SCFD2: variants seen among roughly 807,000 people sequenced by gnomAD.
SCFD2 encodes the protein sec1 family domain containing 2, also known as sec1 family domain-containing protein 2.
SCFD2 carries 54 observed loss-of-function variants against 58.9 expected under a neutral mutation model. The observed-to-expected ratio is 0.92, with a 90% CI of 0.74 to 1.15. The LOEUF (loss-of-function observed/expected upper bound fraction) is 1.15, where lower values mean the gene tolerates loss of function less well. Among genes scored for constraint, SCFD2 ranks in the 50% most tolerant of loss-of-function variants. The pLI, the probability that SCFD2 is intolerant of heterozygous loss-of-function variation, is 0.00. For synonymous variants in SCFD2, 321 were observed against 335.9 expected (o/e 0.96, Z 0.49); for missense variants, 805 against 836.6 (o/e 0.96, Z 0.47).
rs148046487 is a variant in SCFD2 at position 52,880,112 on chromosome 4, C to T, written c.1962+5635G>A. 1.2e-4 allele frequency among the ~76,000 whole-genome samples: 18 copies of T among 152,156 alleles called. No homozygotes were observed. In the East Asian group the frequency reaches 2.9e-3, roughly 25 times the overall value. Reference sequence around the variant, plus strand: ...ACCTGGAAACATCTGACCTGACTACCGCTGCCTCAGAGCCACTGTGCTGTG... The same window carrying T: ...ACCTGGAAACATCTGACCTGACTACTGCTGCCTCAGAGCCACTGTGCTGTG... On this transcript the variant is annotated intron_variant, in intron 8 of 8. Coordinates refer to ENST00000401642, the MANE Select transcript of SCFD2 (RefSeq NM_152540.4).
intron 4 of SCFD2, among the ~76,000 whole-genome samples, chr4:53,227,724 G>C (rs1729268591): frequency 6.6e-6 from 1 of 152,024 alleles, no homozygotes; most frequent in South Asian, 2.1e-4. Context: ...CTGGAGGGGA[G>C]TGCTCCAAAC....
chr4:52,873,948 T>A lies in SCFD2; in HGVS notation c.*21A>T. Reference sequence around the variant, plus strand: ...CATCGGCATTTCCAGCTTGAGTAGGTCTTATCTTCTTAGCGGATGCTCAGA... The same window carrying A: ...CATCGGCATTTCCAGCTTGAGTAGGACTTATCTTCTTAGCGGATGCTCAGA... On this transcript the variant is annotated 3_prime_UTR_variant, in exon 9 of 9. Transcript: ENST00000401642. 1 of 1,582,520 alleles carries A rather than the reference T, an allele frequency of 6.3e-7. No individual in the cohort carries two copies. Among genetic ancestry groups the A allele is most frequent in the Non-Finnish European group, 8.7e-7 (1 of 1,151,542 alleles).
At chr4:53,321,218 T>A (rs1158583706) in intron 2 of SCFD2, among the ~76,000 whole-genome samples, 2 of 152,316 alleles carry the variant, frequency 1.3e-5, no homozygotes, top group African/African-American at 4.8e-5. Context: ...AGTTCATTCC[T>A]GGCTCTTTAT....
At chr4:52,999,625 G>A (rs1721820246) in intron 5 of SCFD2, among the ~76,000 whole-genome samples, 1 of 152,218 alleles carries the variant, frequency 6.6e-6, no homozygotes. Flanking sequence ...AAGGTAAAAT[G>A]TGCGAAGGGT....
intron 4 of SCFD2, among the ~76,000 whole-genome samples, chr4:53,180,163 G>T (rs538679679): frequency 4.6e-5 from 7 of 152,166 alleles, no homozygotes; most frequent in Non-Finnish European, 8.8e-5. Flanking sequence ...AATAGACATC[G>T]ACAGAAGTCT....
At chr4:53,169,438 C>G (rs1727111833) in intron 4 of SCFD2, among the ~76,000 whole-genome samples, 1 of 152,186 alleles carries the variant, frequency 6.6e-6, no homozygotes. Flanking sequence ...TTTTCTTTAT[C>G]TGTCCATCTA....
intron 4 of SCFD2, among the ~76,000 whole-genome samples, chr4:53,205,926 C>A (rs1035670297): frequency 2.0e-5 from 3 of 150,516 alleles, no homozygotes; most frequent in Admixed American, 6.6e-5. Context: ...TTAAAAAAAA[C>A]ACAATTATCA....
At chr4:53,149,240 G>A (rs1023716376) in intron 4 of SCFD2, among the ~76,000 whole-genome samples, 1 of 152,170 alleles carries the variant, frequency 6.6e-6, no homozygotes, top group Non-Finnish European at 1.5e-5. Flanking sequence ...TGATTCTAGG[G>A]ATGGGGAAAG....
At chr4:53,334,582 C>T (rs1433562884) in intron 2 of SCFD2, among the ~76,000 whole-genome samples, 2 of 141,394 alleles carry the variant, frequency 1.4e-5, no homozygotes, top group African/African-American at 5.3e-5. Context: ...AGGGGAATAT[C>T]ACACTCTGGG....
intron 5 of SCFD2, among the ~76,000 whole-genome samples, chr4:53,064,179 A>G (rs184926577): frequency 1.5e-3 from 221 of 152,096 alleles, no homozygotes; most frequent in African/African-American, 5.1e-3. Context: ...TTACATGGGT[A>G]TGTTGCATGA....
chr4:53,309,604 C>A (rs1035072544), intron 3 of SCFD2, among the ~76,000 whole-genome samples: 1 of 151,836 alleles, frequency 6.6e-6, no homozygotes, highest in African/African-American at 2.4e-5. Context: ...CCAGGCTGAA[C>A]ATGGAAAAAC....
chr4:53,098,643 T>C (rs1188710034), intron 5 of SCFD2, among the ~76,000 whole-genome samples: 2 of 152,018 alleles, frequency 1.3e-5, no homozygotes, highest in Non-Finnish European at 2.9e-5. Context: ...GGAAAGCTCT[T>C]CCCCTAGATA....
rs1400197098 is a variant in SCFD2 at position 53,302,474 on chromosome 4, T to G, written c.1135+11162A>C. Among the ~76,000 whole-genome samples the G allele has an allele frequency of 2.0e-5, 3 of 152,144 alleles. No individual in the cohort carries two copies. In the East Asian group the frequency reaches 5.8e-4, roughly 29 times the overall value. On this transcript the variant is annotated intron_variant, in intron 3 of 8. Coordinates refer to ENST00000401642, the MANE Select transcript of SCFD2 (RefSeq NM_152540.4). ...GAGGACACAAACAAATGGAAGAACA[T>G]TCCATGCTCATGGGTAGGAAGAATC...
At chr4:53,263,410 G>C (rs569088983) in intron 4 of SCFD2, among the ~76,000 whole-genome samples, 1 of 152,268 alleles carries the variant, frequency 6.6e-6, no homozygotes, top group African/African-American at 2.4e-5. Context: ...ACTCGGGGCT[G>C]CTGTTCAGAT....
At chr4:53,136,368 G>C (rs4342246) in intron 5 of SCFD2, among the ~76,000 whole-genome samples, 10 of 152,156 alleles carry the variant, frequency 6.6e-5, no homozygotes, top group African/African-American at 2.4e-4. Context: ...GAATAGACTA[G>C]ATAATTGTTG....
At chr4:53,212,602 G>GTGTT (rs1728654907) in intron 4 of SCFD2, among the ~76,000 whole-genome samples, 1 of 150,388 alleles carries the variant, frequency 6.6e-6, no homozygotes, top group South Asian at 2.1e-4. Context: ...GTGTGTGTGT[G>GTGTT]TGTGTGCATG....
intron 4 of SCFD2, among the ~76,000 whole-genome samples, chr4:53,270,345 G>T (rs541559728): frequency 3.8e-4 from 57 of 151,910 alleles, no homozygotes; most frequent in African/African-American, 1.4e-3. Flanking sequence ...AGCAAACTAG[G>T]ATTAGGAAGA....
chr4:53,143,744 G>A (rs1181077994), intron 5 of SCFD2, among the ~76,000 whole-genome samples: 1 of 151,516 alleles, frequency 6.6e-6, no homozygotes, highest in Non-Finnish European at 1.5e-5. Flanking sequence ...GGATATATAA[G>A]CGGCCTCAGC....
At chr4:52,880,704 G>C (rs1405193471) in intron 8 of SCFD2, among the ~76,000 whole-genome samples, 2 of 152,240 alleles carry the variant, frequency 1.3e-5, no homozygotes, top group Non-Finnish European at 2.9e-5. Context: ...GGTGCGGCAA[G>C]CACGTGCCTT....
Sources: gnomAD v4.1 joint callset for allele counts (sites outside exome capture counted in the v4.1 genomes callset) on GRCh38, gnomAD v4.1.1 for gene constraint, MANE v1.5 for transcripts, NCBI Gene and HGNC (gene_info 2026-07-23, HGNC 2026-07-21) for gene names.